Variants in CNOT3 observed in about 807,000 individuals in gnomAD.
CNOT3 encodes CCR4-associated factor 3.
Under a neutral mutation model 89.4 loss-of-function variants are expected in CNOT3, and 2 were observed. The observed-to-expected ratio is 0.02, with a 90% CI of 0.01 to 0.07. The LOEUF (loss-of-function observed/expected upper bound fraction) is 0.07, where lower values mean the gene tolerates loss of function less well. CNOT3 is among the 10% of genes least tolerant of loss of function. The probability of loss-of-function intolerance (pLI) is 1.00; values close to 1 mark genes in which losing one functional copy is unlikely to be tolerated. For missense variants in CNOT3, 664 were observed against 1,010.2 expected, an observed-to-expected ratio of 0.66 and a Z score of 4.65; for synonymous variants, 486 against 402.0, an observed-to-expected ratio of 1.21 and a Z score of -2.50.
In CNOT3 at chr19:54,147,009, A is replaced by C. The variant is rs368234218; in HGVS notation, c.894+352A>C. ...GAAGTGAGGAGAGATGAGTCTGGCC[A>C]GGTCTGCAGGGCCAGGGGCCCAACT... On this transcript the variant is annotated intron_variant, in intron 10 of 17. Coordinates refer to ENST00000221232, the MANE Select transcript of CNOT3 (RefSeq NM_014516.4). Among the ~76,000 whole-genome samples, 36 of 152,280 alleles carry C rather than the reference A, an allele frequency of 2.4e-4. No individual in the cohort carries two copies. The East Asian group carries it at 4.8e-3, about 20-fold the overall frequency.
rs1416701257 is a variant in CNOT3 at position 54,143,347 on chromosome 19, G to GGA, written c.94-94_94-93insAG. ...GATGGATTGGGGGTAGGGGTTGGGG[G>GGA]GGGTCCTCGAGTCCCTAGCATAAGG... On this transcript the variant is annotated intron_variant, in intron 3 of 17. Transcript: ENST00000221232. 12 of 1,358,798 alleles carry GGA rather than the reference G, an allele frequency of 8.8e-6. No individual in the cohort carries two copies. The East Asian group carries it at 1.6e-4, about 18-fold the overall frequency. The allele number at this position is 1,358,798 out of a possible 1,614,324, so 84.2% of individuals were successfully genotyped here. A position where few individuals can be genotyped will look rare whatever the true frequency, so the allele number is the denominator to read the frequency against.
At chr19:54,139,646 C>G (rs1409932403) in intron 1 of CNOT3, among the ~76,000 whole-genome samples, 1 of 152,186 alleles carries the variant, frequency 6.6e-6, no homozygotes, top group African/African-American at 2.4e-5. Flanking sequence ...CTGAGGACCC[C>G]TCTCGGATGC....
chr19:54,153,373 TCCAG>T (rs781010304), intron 16 of CNOT3: 2 of 764,030 alleles, frequency 2.6e-6, no homozygotes, highest in South Asian at 2.7e-5. Context: ...TGGGGAGCTG[TCCAG>T]CCCCCTCCCA....
At chr19:54,152,744 A>C (rs1404740991) in intron 15 of CNOT3, 118 bp downstream of exon 15, 6 of 962,458 alleles carry the variant, frequency 6.2e-6, no homozygotes, top group Non-Finnish European at 1.7e-6. Flanking sequence ...TCTCCACTGA[A>C]GGTCAGCACC....
chr19:54,146,751 G>A (rs2074694863), intron 10 of CNOT3, 94 bp downstream of exon 10: 2 of 790,614 alleles, frequency 2.5e-6, no homozygotes, highest in Non-Finnish European at 2.3e-6. Context: ...ACTGTGCTGG[G>A]CTGGTGGACA....
chr19:54,149,855 T>C (rs2074966033), intron 13 of CNOT3, 97 bp downstream of exon 13: 1 of 1,179,792 alleles, frequency 8.5e-7, no homozygotes, highest in East Asian at 2.9e-5. Context: ...ACCCTCTTTC[T>C]GGATCTCTCT....
intron 1 of CNOT3, among the ~76,000 whole-genome samples, chr19:54,138,886 C>T (rs774871053): frequency 1.3e-5 from 2 of 152,332 alleles, no homozygotes; most frequent in Admixed American, 6.5e-5. Context: ...GGTCTCAGCT[C>T]TCACACTTCT....
intron 15 of CNOT3, 37 bp downstream of exon 15, chr19:54,152,663 T>C (rs2146762483): frequency 6.5e-7 from 1 of 1,543,264 alleles, no homozygotes; most frequent in Non-Finnish European, 8.9e-7. Flanking sequence ...GTCTGGGACT[T>C]GAGTCTTACG....
chr19:54,140,542 G>GA, intron 1 of CNOT3, among the ~76,000 whole-genome samples: 1 of 152,122 alleles, frequency 6.6e-6, no homozygotes, highest in South Asian at 2.1e-4. Context: ...TTGCTGGGGG[G>GA]ACCAGAGGTA....
Position 54,148,752 on chromosome 19 carries a change from C to G in CNOT3, c.1406+9C>G. On this transcript the variant is annotated intron_variant, in intron 12 of 17. Coordinates refer to ENST00000221232, the MANE Select transcript of CNOT3 (RefSeq NM_014516.4). The surrounding 1 kb of genome is among the most constrained non-coding windows in gnomAD (Gnocchi z 6.3). ...CCACCTCCCAGCACCTCGTGAGTGT[C>G]TCGGCCATCGGCAGGGTTGGGATGG... is the stretch of plus-strand genomic sequence containing the variant. 1 of 1,610,070 alleles carries G rather than the reference C, an allele frequency of 6.2e-7. No homozygotes were observed. The highest frequency in any genetic ancestry group is 8.5e-7 in the Non-Finnish European group (1 of 1,178,568).
At chr19:54,141,782 T>A (rs587700615) in intron 1 of CNOT3, 2 of 152,268 alleles carry the variant, frequency 1.3e-5, no homozygotes, top group South Asian at 4.1e-4. Context: ...GAGCGGCCCG[T>A]GGATCCCAGG....
intron 12 of CNOT3, among the ~76,000 whole-genome samples, chr19:54,149,337 C>G (rs1008900238): frequency 6.6e-6 from 1 of 152,232 alleles, no homozygotes; most frequent in Non-Finnish European, 1.5e-5. Flanking sequence ...TCCTCACCCC[C>G]ACCCCCACAG....
intron 14 of CNOT3, 50 bp from the exon 15 acceptor site, chr19:54,152,378 C>G: frequency 6.2e-7 from 1 of 1,613,770 alleles, no homozygotes; most frequent in Non-Finnish European, 8.5e-7. Flanking sequence ...AGGGGCTGCC[C>G]CTGACCCATC....
At chr19:54,142,341 T>A (rs1355502367) in intron 1 of CNOT3, 1 of 156,162 alleles carries the variant, frequency 6.4e-6, no homozygotes, top group Admixed American at 6.2e-5. Context: ...CAGCCCTGTC[T>A]GCATGAGCGG....
In CNOT3 at chr19:54,144,122, C is replaced by A; in HGVS notation, c.375C>A (p.Gly125=). The change falls in exon 6 of 18, where the codon GGC becomes GGA. Residue 125 remains glycine (G), a synonymous_variant. Coordinates refer to ENST00000221232, the MANE Select transcript of CNOT3 (RefSeq NM_014516.4). The surrounding 1 kb of genome is among the most constrained non-coding windows in gnomAD (Gnocchi z 4.8). ...CCCAGAAGGAGAAGGAAGAGGTTGG[C>A]CAGTGGCTCACGGTGAGTTGGGGTA... ...DPAQKEKEEV[G]QWLTNTIDTL... is the part of the protein sequence containing the mutation. 1 of 1,606,108 alleles carries A rather than the reference C, an allele frequency of 6.2e-7. No individual in the cohort carries two copies. The highest frequency in any genetic ancestry group is 8.5e-7 in the Non-Finnish European group (1 of 1,175,986).
intron 13 of CNOT3, 54 bp downstream of exon 13, chr19:54,149,812 T>G: frequency 6.6e-7 from 1 of 1,509,020 alleles, no homozygotes; most frequent in Non-Finnish European, 8.9e-7. Flanking sequence ...GTTGTTTCTT[T>G]CCTCCAGGTC....
chr19:54,155,361 G>C lies in CNOT3; in HGVS notation c.2216G>C (p.Gly739Ala). 1 of 1,613,186 alleles carries C rather than the reference G, an allele frequency of 6.2e-7. No individual in the cohort carries two copies. Among genetic ancestry groups the C allele is most frequent in the Non-Finnish European group, 8.5e-7 (1 of 1,179,370 alleles). Residue 739 changes from glycine to alanine, a missense_variant, in exon 18 of 18, where the codon GGC (glycine) becomes GCC (alanine). Gly to Ala is a moderately conservative substitution (Grantham distance 60, BLOSUM62 0). Transcript: ENST00000221232. ...YEKWGQRKKEGFTFEYRYLED... is the reference protein window; with the variant it reads ...YEKWGQRKKEAFTFEYRYLED... ...AAGTGGGGCCAGCGGAAGAAGGAAG[G>C]CTTCACCTTTGAGTACCGCTACCTG...
intron 1 of CNOT3, chr19:54,142,143 T>C (rs2074474879): frequency 6.6e-6 from 1 of 152,206 alleles, no homozygotes; most frequent in Non-Finnish European, 1.5e-5. Context: ...GCGGTACCTT[T>C]GCACCCTCTT....
intron 13 of CNOT3, among the ~76,000 whole-genome samples, chr19:54,151,449 A>G (rs1227354101): frequency 6.6e-6 from 1 of 152,088 alleles, no homozygotes; most frequent in African/African-American, 2.4e-5. Flanking sequence ...CACACCTGTA[A>G]TCCCAGCTCT....
Sources: gnomAD v4.1 joint callset for allele counts (sites outside exome capture counted in the v4.1 genomes callset) on GRCh38, gnomAD v4.1.1 for gene constraint, Gnocchi (gnomAD v3.1) non-coding constraint, MANE v1.5 for transcripts, NCBI Gene and HGNC (gene_info 2026-07-23, HGNC 2026-07-21) for gene names.